The following NR4A2 variants were observed in gnomAD, a reference collection of about 807,000 sequenced individuals.
The protein encoded by NR4A2 is nuclear receptor subfamily 4 group A member 2, also known as NGFI-B/nur77 beta-type transcription factor homolog.
Under a neutral mutation model 50.5 loss-of-function variants are expected in NR4A2, and 1 was observed. The observed-to-expected ratio is 0.02, with a 90% CI of 0.01 to 0.09. The LOEUF is 0.09. NR4A2 is among the 10% of genes least tolerant of loss of function. The probability of loss-of-function intolerance (pLI) is 1.00; values close to 1 mark genes in which losing one functional copy is unlikely to be tolerated. For missense variants in NR4A2, 613 were observed against 777.3 expected, an observed-to-expected ratio of 0.79 and a Z score of 2.51; for synonymous variants, 328 against 309.4, an observed-to-expected ratio of 1.06 and a Z score of -0.63.
In NR4A2 at chr2:156,326,886, T is replaced by C. The variant is rs149695448; in HGVS notation, c.1193A>G (p.Asp398Gly). 3.1e-6 allele frequency: 5 copies of C among 1,614,094 alleles called. No individual in the cohort carries two copies. In the African/African-American group the frequency reaches 5.3e-5, roughly 17 times the overall value. Reference protein sequence around the residue: ...QANPDYQMSGDDTQHIQQFYD... With the variant: ...QANPDYQMSGGDTQHIQQFYD... ...GAATTGCTGGATATGCTGGGTGTCATCTCCACTCATTTGATAGTCAGGGTT... is the reference window on the plus strand; with the variant it reads ...GAATTGCTGGATATGCTGGGTGTCACCTCCACTCATTTGATAGTCAGGGTT... Residue 398 changes from aspartate (D) to glycine (G), a missense_variant, in exon 6 of 8, where the codon GAT becomes GGT. Around this residue, in one of 4 missense-constraint regions of NR4A2, gnomAD observed 250 missense variants for 311.3 expected, o/e 0.80. Transcript: ENST00000339562. This position sits in a 1 kb window ranked among gnomAD's most constrained non-coding sequence, Gnocchi z 4.2.
rs1686764437 is a variant in NR4A2, at chr2:156,328,588, C to A, written c.865-55G>T. Reference sequence around the variant, plus strand: ...TTTTTTTCTTCTTTTGAAAATCAGGCAACTCGGAGAAAATTTCTGTTATGT... The same window carrying A: ...TTTTTTTCTTCTTTTGAAAATCAGGAAACTCGGAGAAAATTTCTGTTATGT... On this transcript the variant is annotated intron_variant, in intron 3 of 7. Coordinates refer to ENST00000339562, the MANE Select transcript of NR4A2 (RefSeq NM_006186.4). This position sits in a 1 kb window ranked among gnomAD's most constrained non-coding sequence, Gnocchi z 4.9. The A allele has an allele frequency of 6.2e-7, 1 of 1,612,338 alleles. No homozygotes were observed. The highest frequency in any genetic ancestry group is 1.3e-5 in the African/African-American group (1 of 74,882).
At position 156,329,861 on chromosome 2, in the gene NR4A2, T is replaced by G. The variant is rs1558868828; in HGVS notation, c.326A>C (p.Gln109Pro). The change falls in exon 3 of 8, where the codon CAG becomes CCG. Residue 109 changes from glutamine (Q) to proline (P), a missense_variant. This residue lies in a region of NR4A2 where 275 missense variants were observed against 248.9 expected (regional missense o/e 1.10). Transcript: ENST00000339562. This position sits in a 1 kb window ranked among gnomAD's most constrained non-coding sequence, Gnocchi z 7.5. ...NYQQHSHLPP[Q>P]SEEMMPHSGS... is the part of the protein sequence containing the mutation. ...GGAGTGCGGCATCATCTCCTCAGACTGGGGGGGCAGGTGGCTGTGTTGCTG... is the reference window on the plus strand; with the variant it reads ...GGAGTGCGGCATCATCTCCTCAGACGGGGGGGGCAGGTGGCTGTGTTGCTG... The G allele has an allele frequency of 1.9e-6, 3 of 1,613,754 alleles. No individual in the cohort carries two copies. In the South Asian group the frequency reaches 3.3e-5, roughly 18 times the overall value.
Position 156,325,505 on chromosome 2 carries a change from A to G in NR4A2, c.*239T>C. On this transcript the variant is annotated 3_prime_UTR_variant, in exon 8 of 8. Transcript: ENST00000339562. ...GTATTGTGTGTAGTCCATGTTCTAA[A>G]TCCAGGATGCCCCGGAGCCAAAATG... 1 of 567,420 alleles carries G rather than the reference A, an allele frequency of 1.8e-6. No individual in the cohort carries two copies. Among genetic ancestry groups the G allele is most frequent in the Non-Finnish European group, 3.1e-6 (1 of 317,832 alleles). 35.1% of individuals were successfully genotyped at this position (567,420 alleles called of 1,614,324 possible). A position where few individuals can be genotyped will look rare whatever the true frequency, so the allele number is the denominator to read the frequency against.
rs980370151 is a variant in NR4A2, at chr2:156,330,719, T to G, written c.-54A>C. On this transcript the variant is annotated 5_prime_UTR_variant, in exon 2 of 8. Coordinates refer to ENST00000339562, the MANE Select transcript of NR4A2 (RefSeq NM_006186.4). Reference sequence around the variant, plus strand: ...AGGAAATTAAAGGTGGACAGTGTCGTAATTCAATGAAGGACAAAGTTTCCA... The same window carrying G: ...AGGAAATTAAAGGTGGACAGTGTCGGAATTCAATGAAGGACAAAGTTTCCA... 1 of 1,261,358 alleles carries G rather than the reference T, an allele frequency of 7.9e-7. No individual in the cohort carries two copies. The highest frequency in any genetic ancestry group is 1.5e-5 in the African/African-American group (1 of 65,078). 78.1% of individuals were successfully genotyped at this position (1,261,358 alleles called of 1,614,324 possible). A position where few individuals can be genotyped will look rare whatever the true frequency, so the allele number is the denominator to read the frequency against.
In NR4A2 at chr2:156,326,133, G is replaced by A. The variant is rs766149432; in HGVS notation, c.1540+17C>T. ...GGCAGTTCTGGAGGGGAAGCGCCCTGCGCCTGCAGTACTGACCTGTGACCA... is the reference window on the plus strand; with the variant it reads ...GGCAGTTCTGGAGGGGAAGCGCCCTACGCCTGCAGTACTGACCTGTGACCA... On this transcript the variant is annotated intron_variant, in intron 7 of 7. Transcript: ENST00000339562. This position sits in a 1 kb window ranked among gnomAD's most constrained non-coding sequence, Gnocchi z 4.2. 8.7e-6 allele frequency: 14 copies of A among 1,614,134 alleles called. No homozygotes were observed. Among genetic ancestry groups the A allele is most frequent in the African/African-American group, 1.3e-5 (1 of 75,054 alleles).
At chr2:156,330,252 G>C in intron 2 of NR4A2, 64 bp from the exon 3 acceptor site, 1 of 1,584,962 alleles carries the variant, frequency 6.3e-7, no homozygotes. Flanking sequence ...TCCCGGGCTC[G>C]GGTACACCTG....
chr2:156,325,359 T>A lies in NR4A2; in HGVS notation c.*385A>T, dbSNP rs1686595610. ...GTGTGTGTGTGTATGTGTGTGTGTG[T>A]TACATTTGTCTGAACTGCAACAACC... On this transcript the variant is annotated 3_prime_UTR_variant, in exon 8 of 8. Coordinates refer to ENST00000339562, the MANE Select transcript of NR4A2 (RefSeq NM_006186.4). 6.2e-6 allele frequency: 2 copies of A among 325,162 alleles called. No individual in the cohort carries two copies. Among genetic ancestry groups the A allele is most frequent in the Non-Finnish European group, 1.2e-5 (2 of 166,560 alleles). 20.1% of individuals were successfully genotyped at this position (325,162 alleles called of 1,614,324 possible).
chr2:156,327,937 G>A lies in NR4A2; in HGVS notation c.1072C>T (p.Pro358Ser), dbSNP rs767312193. ...CTGATCAGACTCACCGGGGGCGAAG[G>A]GGGAGAGGGCTCCTGTGGGCTCTTC... ...KPKSPQEPSP[P>S]SPPVSLISAL... is the part of the protein sequence containing the mutation. Residue 358 changes from proline (P) to serine (S), a missense_variant, in exon 5 of 8, where the codon CCT becomes TCT. Pro to Ser is a moderately conservative substitution (Grantham distance 74). Coordinates refer to ENST00000339562, the MANE Select transcript of NR4A2 (RefSeq NM_006186.4). The A allele has an allele frequency of 6.3e-7, 1 of 1,597,498 alleles. No individual in the cohort carries two copies. The highest frequency in any genetic ancestry group is 8.5e-7 in the Non-Finnish European group (1 of 1,171,090).
chr2:156,331,495 AT>A (rs1317329328), intron 1 of NR4A2, among the ~76,000 whole-genome samples: 1 of 152,188 alleles, frequency 6.6e-6, no homozygotes, highest in East Asian at 1.9e-4. Flanking sequence ...TCTTAGGTCA[AT>A]TGCAGAGGGG....
At position 156,329,748 on chromosome 2, in the gene NR4A2, C is replaced by T; in HGVS notation, c.439G>A (p.Gly147Arg). ...TTCTGGTGGAAGTTGTGGAGAGATC[C>T]CGGGTCGTCCCACATGGGGCTGTGC... The part of the protein sequence containing the change: ...VQHSPMWDDP[G>R]SLHNFHQNYV... The change falls in exon 3 of 8, where the codon GGA (glycine) becomes AGA (arginine). Residue 147 changes from glycine (G) to arginine (R), a missense_variant. Physicochemically the swap from Gly to Arg is moderately radical, Grantham distance 125. This residue lies in a region of NR4A2 where 275 missense variants were observed against 248.9 expected (regional missense o/e 1.10). Transcript: ENST00000339562. The surrounding 1 kb of genome is among the most constrained non-coding windows in gnomAD (Gnocchi z 7.5). 6.2e-7 allele frequency: 1 copy of T among 1,613,630 alleles called. No homozygotes were observed. The highest frequency in any genetic ancestry group is 8.5e-7 in the Non-Finnish European group (1 of 1,179,662).
chr2:156,331,594 C>G (rs1208266315), intron 1 of NR4A2, among the ~76,000 whole-genome samples: 1 of 152,224 alleles, frequency 6.6e-6, no homozygotes, highest in African/African-American at 2.4e-5. Context: ...ATGCCTTCCA[C>G]AATCTGCCTT....
chr2:156,328,678 T>C lies in NR4A2; in HGVS notation c.865-145A>G. Reference sequence around the variant, plus strand: ...CACACAATTCCATTTTATTTTTTTCTCTTCCTTTTCTTTCTTTCTTTTCTT... The same window carrying C: ...CACACAATTCCATTTTATTTTTTTCCCTTCCTTTTCTTTCTTTCTTTTCTT... On this transcript the variant is annotated intron_variant, in intron 3 of 7. Transcript: ENST00000339562. The surrounding 1 kb of genome is among the most constrained non-coding windows in gnomAD (Gnocchi z 4.9). 1 of 1,040,062 alleles carries C rather than the reference T, an allele frequency of 9.6e-7. No homozygotes were observed. The highest frequency in any genetic ancestry group is 1.4e-5 in the South Asian group (1 of 69,162). The allele number at this position is 1,040,062 out of a possible 1,614,324, so 64.4% of individuals were successfully genotyped here. A position where few individuals can be genotyped will look rare whatever the true frequency, so the allele number is the denominator to read the frequency against.
chr2:156,325,892 T>A lies in NR4A2; in HGVS notation c.1649A>T (p.Asn550Ile). Reference protein sequence around the residue: ...TFNNGGLNRPNYLSKLLGKLP... With the variant: ...TFNNGGLNRPIYLSKLLGKLP... ...CTTCCCCAACAGTTTGGACAAATAATTGGGGCGGTTCAACCCCCCATTGTT... is the reference window on the plus strand; with the variant it reads ...CTTCCCCAACAGTTTGGACAAATAAATGGGGCGGTTCAACCCCCCATTGTT... The change falls in exon 8 of 8, where the codon AAT (asparagine) becomes ATT (isoleucine). Residue 550 changes from asparagine to isoleucine, a missense_variant. By Grantham distance (149) the Asn-to-Ile change is moderately radical. This residue lies in a region of NR4A2 where 250 missense variants were observed against 311.3 expected (regional missense o/e 0.80). Coordinates refer to ENST00000339562, the MANE Select transcript of NR4A2 (RefSeq NM_006186.4). 1 of 1,614,214 alleles carries A rather than the reference T, an allele frequency of 6.2e-7. No individual in the cohort carries two copies. Among genetic ancestry groups the A allele is most frequent in the Non-Finnish European group, 8.5e-7 (1 of 1,180,030 alleles).
rs1322366699 is a variant in NR4A2, at chr2:156,326,595, G to A, written c.1361+123C>T. The A allele has an allele frequency of 3.5e-6, 4 of 1,144,534 alleles. No homozygotes were observed. The highest frequency in any genetic ancestry group is 5.1e-6 in the Non-Finnish European group (4 of 783,574). The allele number at this position is 1,144,534 out of a possible 1,614,324, so 70.9% of individuals were successfully genotyped here. Reference sequence around the variant, plus strand: ...TTTCTTTCTTTTTCTTCCTTTCTCCGACTTCCATTTCCTATTCTGTCTTTT... The same window carrying A: ...TTTCTTTCTTTTTCTTCCTTTCTCCAACTTCCATTTCCTATTCTGTCTTTT... On this transcript the variant is annotated intron_variant, in intron 6 of 7. Coordinates refer to ENST00000339562, the MANE Select transcript of NR4A2 (RefSeq NM_006186.4). This position sits in a 1 kb window ranked among gnomAD's most constrained non-coding sequence, Gnocchi z 4.2.
Position 156,325,540 on chromosome 2 carries a change from G to A in NR4A2, c.*204C>T. On this transcript the variant is annotated 3_prime_UTR_variant, in exon 8 of 8. Transcript: ENST00000339562. ...CCCCGGAGCCAAAATGCCCTTTCAGGTTCTGCCTGCAGGTTAGGAAATAGC... is the reference window on the plus strand; with the variant it reads ...CCCCGGAGCCAAAATGCCCTTTCAGATTCTGCCTGCAGGTTAGGAAATAGC... 1.5e-6 allele frequency: 1 copy of A among 669,894 alleles called. No individual in the cohort carries two copies. 41.5% of individuals were successfully genotyped at this position (669,894 alleles called of 1,614,324 possible). A position where few individuals can be genotyped will look rare whatever the true frequency, so the allele number is the denominator to read the frequency against.
At position 156,324,820 on chromosome 2, in the gene NR4A2, C is replaced by G. The variant is rs1686569476; in HGVS notation, c.*924G>C. ...TTTTTATCAACATCAACGGTACATA[C>G]AACACTTACAAACAAGGAATGTTGG... On this transcript the variant is annotated 3_prime_UTR_variant, in exon 8 of 8. Transcript: ENST00000339562. 6.6e-6 allele frequency: 1 copy of G among 152,620 alleles called. No individual in the cohort carries two copies. 9.5% of individuals were successfully genotyped at this position (152,620 alleles called of 1,614,324 possible).
chr2:156,328,149 T>C lies in NR4A2; in HGVS notation c.995-135A>G. Reference sequence around the variant, plus strand: ...GAGGGCCCCAGTGCTTGTAAAGCCTTCACTGACTAGAAGCATTAAAAAATG... The same window carrying C: ...GAGGGCCCCAGTGCTTGTAAAGCCTCCACTGACTAGAAGCATTAAAAAATG... On this transcript the variant is annotated intron_variant, in intron 4 of 7. Coordinates refer to ENST00000339562, the MANE Select transcript of NR4A2 (RefSeq NM_006186.4). The surrounding 1 kb of genome is among the most constrained non-coding windows in gnomAD (Gnocchi z 4.9). 2 of 1,220,382 alleles carry C rather than the reference T, an allele frequency of 1.6e-6. No homozygotes were observed. The highest frequency in any genetic ancestry group is 2.3e-6 in the Non-Finnish European group (2 of 856,152). 75.6% of individuals were successfully genotyped at this position (1,220,382 alleles called of 1,614,324 possible). A position where few individuals can be genotyped will look rare whatever the true frequency, so the allele number is the denominator to read the frequency against.
intron 5 of NR4A2, 80 bp downstream of exon 5, chr2:156,327,771 A>C: frequency 1.3e-6 from 2 of 1,516,256 alleles, no homozygotes; most frequent in Non-Finnish European, 1.8e-6. Context: ...GTTGAATCTG[A>C]GAGTTAATGA....
Position 156,326,004 on chromosome 2 carries a change from C to G in NR4A2, c.1541-4G>C. 5 of 1,614,138 alleles carry G rather than the reference C, an allele frequency of 3.1e-6. No homozygotes were observed. Among genetic ancestry groups the G allele is most frequent in the Non-Finnish European group, 4.2e-6 (5 of 1,180,016 alleles). ...GGTTCCTTGAGCCCGTGTCTCTCTG[C>G]AGAAAACATAATCAGAAACAAAAGA... On this transcript the variant is annotated splice_polypyrimidine_tract_variant and splice_region_variant and intron_variant, in intron 7 of 7. Transcript: ENST00000339562. The surrounding 1 kb of genome is among the most constrained non-coding windows in gnomAD (Gnocchi z 4.2).
Sources: allele counts gnomAD v4.1 joint callset (sites outside exome capture counted in the v4.1 genomes callset), GRCh38; gene constraint gnomAD v4.1.1; regional missense constraint gnomAD v4.1.1; non-coding constraint Gnocchi (gnomAD v3.1); transcripts MANE v1.5; gene names NCBI Gene and HGNC (gene_info 2026-07-23, HGNC 2026-07-21).